NFIB: variants seen among roughly 807,000 people sequenced by gnomAD.
NFIB encodes nuclear factor I B.
Under a neutral mutation model 61.5 loss-of-function variants are expected in NFIB, and 11 were observed. The ratio of observed to expected loss-of-function variants is 0.18; its 90% CI spans 0.11 to 0.30. The LOEUF (loss-of-function observed/expected upper bound fraction) is 0.30, where lower values mean the gene tolerates loss of function less well. Ranked by LOEUF, NFIB falls within the 10% of genes least tolerant of loss-of-function variation. NFIB has a pLI of 1.00. For missense variants in NFIB, 471 were observed against 608.9 expected (o/e 0.77, Z 2.38); for synonymous variants, 260 against 216.5 (o/e 1.20, Z -1.76).
the NFIB span, among the ~76,000 whole-genome samples, chr9:14,476,187 T>C: frequency 6.6e-6 from 1 of 151,822 alleles, no homozygotes; most frequent in Non-Finnish European, 1.5e-5. Context: ...TTTTTTTTTC[T>C]GATTGATTTG....
chr9:14,460,951 C>G, the NFIB span, among the ~76,000 whole-genome samples: 1 of 152,006 alleles, frequency 6.6e-6, no homozygotes, highest in South Asian at 2.1e-4. Context: ...AGCTCCACAC[C>G]AGAACTTTAT....
chr9:14,509,172 C>T, the NFIB span, among the ~76,000 whole-genome samples: 3 of 152,342 alleles, frequency 2.0e-5, no homozygotes, highest in Admixed American at 1.3e-4. Flanking sequence ...AAAATCCCTA[C>T]CCTTGTAGAG....
chr9:14,118,236 C>G (rs1273395294), intron 8 of NFIB, among the ~76,000 whole-genome samples: 1 of 151,986 alleles, frequency 6.6e-6, no homozygotes. Flanking sequence ...AGAAAGAAGA[C>G]AGGTCTCATT....
chr9:14,352,581 A>G (rs2061126270), intron 1 of NFIB, among the ~76,000 whole-genome samples: 1 of 152,298 alleles, frequency 6.6e-6, no homozygotes, highest in Admixed American at 6.5e-5. Context: ...CATTTCTTCC[A>G]GGCCTTGGTG....
intron 1 of NFIB, among the ~76,000 whole-genome samples, chr9:14,376,088 T>C (rs936604439): frequency 6.6e-5 from 10 of 152,238 alleles, no homozygotes; most frequent in African/African-American, 2.4e-4. Context: ...CTTGCTAAGT[T>C]GTCCAGGCTG....
chr9:14,315,053 C>T (rs1213591327), upstream of NFIB, among the ~76,000 whole-genome samples: 1 of 151,874 alleles, frequency 6.6e-6, no homozygotes, highest in African/African-American at 2.4e-5. Context: ...GGGCTCAGTC[C>T]GCGGAGCCTG....
intron 2 of NFIB, among the ~76,000 whole-genome samples, chr9:14,301,223 C>G (rs957823247): frequency 3.3e-5 from 5 of 152,198 alleles, no homozygotes; most frequent in African/African-American, 1.2e-4. Flanking sequence ...GGAAGGCATT[C>G]TTCAGGAGAC....
chr9:14,402,066 C>G (rs2061747862), upstream of NFIB, among the ~76,000 whole-genome samples: 1 of 152,050 alleles, frequency 6.6e-6, no homozygotes, highest in South Asian at 2.1e-4. Context: ...AAAATTGAAG[C>G]CTGGAAAATT....
At chr9:14,448,506 C>G in the NFIB span, among the ~76,000 whole-genome samples, 3 of 152,098 alleles carry the variant, frequency 2.0e-5, no homozygotes, top group Non-Finnish European at 1.5e-5. Flanking sequence ...CTTCCTTTTT[C>G]TTAAAAAACC....
chr9:14,418,413 G>T, the NFIB span, among the ~76,000 whole-genome samples: 1 of 152,128 alleles, frequency 6.6e-6, no homozygotes, highest in Non-Finnish European at 1.5e-5. Flanking sequence ...ACTGTTACTA[G>T]AATTACAAAT....
chr9:14,168,435 G>A (rs560509679), intron 3 of NFIB, among the ~76,000 whole-genome samples: 2 of 152,334 alleles, frequency 1.3e-5, no homozygotes, highest in South Asian at 2.1e-4. Flanking sequence ...TGACAAGGGA[G>A]TACAAGCATT....
At chr9:14,228,227 C>T (rs1185582114) in intron 2 of NFIB, among the ~76,000 whole-genome samples, 1 of 143,372 alleles carries the variant, frequency 7.0e-6, no homozygotes, top group Admixed American at 7.2e-5. Flanking sequence ...GACAGGGTCT[C>T]ACTGTCATCC....
intron 1 of NFIB, among the ~76,000 whole-genome samples, chr9:14,323,287 C>T (rs772388643): frequency 6.6e-6 from 1 of 152,156 alleles, no homozygotes; most frequent in Non-Finnish European, 1.5e-5. Flanking sequence ...GAAGTAAACA[C>T]TCTAGAGGAG....
chr9:14,520,033 C>T, the NFIB span, among the ~76,000 whole-genome samples: 14 of 151,370 alleles, frequency 9.2e-5, no homozygotes, highest in South Asian at 4.1e-4. Context: ...ATATGAAGTC[C>T]ATATTCTAAA....
intron 2 of NFIB, among the ~76,000 whole-genome samples, chr9:14,225,119 G>C (rs1043467818): frequency 6.6e-6 from 1 of 152,036 alleles, no homozygotes; most frequent in Admixed American, 6.6e-5. Flanking sequence ...CTGCTTCTAA[G>C]TATCCAACAT....
chr9:14,096,802 A>G (rs1410989740), intron 10 of NFIB, among the ~76,000 whole-genome samples: 1 of 152,186 alleles, frequency 6.6e-6, no homozygotes, highest in Non-Finnish European at 1.5e-5. Flanking sequence ...AGTATGGAGC[A>G]TGGTTAATTT....
At chr9:14,411,840 G>A in the NFIB span, among the ~76,000 whole-genome samples, 1 of 152,140 alleles carries the variant, frequency 6.6e-6, no homozygotes, top group South Asian at 2.1e-4. Context: ...CTGAGACTAG[G>A]TATAAAAAAC....
intron 2 of NFIB, among the ~76,000 whole-genome samples, chr9:14,249,533 T>C (rs563145596): frequency 6.6e-6 from 1 of 152,314 alleles, no homozygotes; most frequent in Admixed American, 6.5e-5. Context: ...TTGTGATCCT[T>C]TGATTTGGGA....
intron 1 of NFIB, among the ~76,000 whole-genome samples, chr9:14,388,269 G>A (rs2061573041): frequency 6.6e-6 from 1 of 152,030 alleles, no homozygotes; most frequent in East Asian, 1.9e-4. Context: ...GCTACATGGA[G>A]GAGGCTGGGG....
Sources: allele counts gnomAD v4.1 joint callset (sites outside exome capture counted in the v4.1 genomes callset), GRCh38; gene constraint gnomAD v4.1.1; transcripts MANE v1.5; gene names NCBI Gene and HGNC (gene_info 2026-07-23, HGNC 2026-07-21).